SGCD: variants seen among roughly 807,000 people sequenced by gnomAD.
SGCD encodes sarcoglycan delta.
A neutral mutation model predicts 36.6 loss-of-function variants in SGCD; 18 were observed. That is an observed-to-expected ratio of 0.49 (90% CI 0.34 to 0.73). The LOEUF (loss-of-function observed/expected upper bound fraction) is 0.73. Ranked by LOEUF, SGCD falls within the 30% of genes least tolerant of loss-of-function variation. The pLI, the probability that SGCD is intolerant of heterozygous loss-of-function variation, is 0.01. For missense variants in SGCD, 387 were observed against 346.7 expected (o/e 1.12, Z -0.92); for synonymous variants, 133 against 130.6 (o/e 1.02, Z -0.12).
At position 156,050,183 on chromosome 5, in the gene SGCD, A is replaced by C. The variant is rs1291995668; in HGVS notation, c.-281-67695A>C. Among the ~76,000 whole-genome samples the C allele has an allele frequency of 1.4e-5, 2 of 146,592 alleles. 1 individual carries two copies. Among genetic ancestry groups the C allele is most frequent in the Non-Finnish European group, 3.1e-5 (2 of 65,060 alleles). ...CATAGAGAAATCTTTCACGAAAAGA[A>C]GAACCAACTGATGCTACAGAATTCA... On this transcript the variant is annotated intron_variant, in intron 1 of 9. Coordinates refer to the SGCD transcript ENST00000517913.
intron 6 of SGCD, among the ~76,000 whole-genome samples, chr5:156,629,925 G>A (rs1297336658): frequency 2.1e-5 from 3 of 142,872 alleles, no homozygotes; most frequent in Non-Finnish European, 4.5e-5. Flanking sequence ...GCAATGGCAC[G>A]ATCTTGGCTC....
chr5:156,168,807 T>C (rs1036764158), intron 3 of SGCD, among the ~76,000 whole-genome samples: 4 of 152,188 alleles, frequency 2.6e-5, no homozygotes, highest in Non-Finnish European at 4.4e-5. Flanking sequence ...TGCCAGGTGC[T>C]CTGAGAGATA....
intron 7 of SGCD, among the ~76,000 whole-genome samples, chr5:156,742,502 T>TG (rs1756734761): frequency 1.5e-5 from 2 of 129,042 alleles, no homozygotes; most frequent in South Asian, 5.9e-4. Context: ...CAAATCACCA[T>TG]CTTCTTCCAC....
At chr5:155,939,140 G>A (rs1757273757) in intron 1 of SGCD, among the ~76,000 whole-genome samples, 1 of 152,120 alleles carries the variant, frequency 6.6e-6, no homozygotes, top group Non-Finnish European at 1.5e-5. Context: ...GCATCTATAA[G>A]CATGGCAACT....
chr5:156,128,577 C>T (rs548742159), intron 3 of SGCD, among the ~76,000 whole-genome samples: 1 of 152,256 alleles, frequency 6.6e-6, no homozygotes, highest in East Asian at 1.9e-4. Flanking sequence ...GTAATTCCCA[C>T]GTGTCAAGGT....
the SGCD span, among the ~76,000 whole-genome samples, chr5:155,783,844 C>T: frequency 6.6e-6 from 1 of 152,114 alleles, no homozygotes; most frequent in African/African-American, 2.4e-5. Flanking sequence ...AGTAACAAAG[C>T]TACAGGAACA....
chr5:156,382,925 T>C (rs1771062019), intron 3 of SGCD, among the ~76,000 whole-genome samples: 1 of 152,222 alleles, frequency 6.6e-6, no homozygotes, highest in South Asian at 2.1e-4. Context: ...AGGTACTCCA[T>C]TCATGGCAAA....
At chr5:156,065,372 G>A (rs1291688048) in intron 1 of SGCD, among the ~76,000 whole-genome samples, 1 of 121,022 alleles carries the variant, frequency 8.3e-6, no homozygotes, top group Non-Finnish European at 1.7e-5. Flanking sequence ...GGTCAATTTT[G>A]GAATAGGTGT....
the SGCD span, among the ~76,000 whole-genome samples, chr5:155,759,962 T>C: frequency 1.3e-5 from 2 of 152,202 alleles, no homozygotes; most frequent in African/African-American, 2.4e-5. Flanking sequence ...TTCATCCGGT[T>C]AGCTTATGTC....
intron 4 of SGCD, among the ~76,000 whole-genome samples, chr5:156,517,073 T>G (rs1304100069): frequency 3.3e-5 from 5 of 152,132 alleles, no homozygotes; most frequent in Non-Finnish European, 7.3e-5. Context: ...TCTAACCCAG[T>G]GCAAGGAAGC....
intron 1 of SGCD, among the ~76,000 whole-genome samples, chr5:155,932,965 C>T (rs945385491): frequency 6.6e-6 from 1 of 151,962 alleles, no homozygotes; most frequent in Admixed American, 6.6e-5. Flanking sequence ...CTGGGAAAGA[C>T]CTTTCAGGTC....
chr5:156,390,726 A>T (rs1018835669), intron 3 of SGCD, among the ~76,000 whole-genome samples: 1 of 152,136 alleles, frequency 6.6e-6, no homozygotes, highest in South Asian at 2.1e-4. Flanking sequence ...GTGAAACTCT[A>T]TCTCAGGGAA....
At chr5:155,851,981 T>C in the SGCD span, among the ~76,000 whole-genome samples, 1 of 152,176 alleles carries the variant, frequency 6.6e-6, no homozygotes, top group Non-Finnish European at 1.5e-5. Context: ...CTAGTTGTCA[T>C]TTCCATATGG....
At chr5:156,249,767 G>A (rs781270314) in intron 3 of SGCD, among the ~76,000 whole-genome samples, 1 of 149,010 alleles carries the variant, frequency 6.7e-6, no homozygotes, top group African/African-American at 2.5e-5. Context: ...TACATACAAA[G>A]AACATAATCA....
At chr5:155,865,219 C>T in the SGCD span, among the ~76,000 whole-genome samples, 1 of 151,916 alleles carries the variant, frequency 6.6e-6, no homozygotes, top group Non-Finnish European at 1.5e-5. Context: ...TAACCCATAA[C>T]ATAAAATATA....
At chr5:155,752,741 C>T in the SGCD span, among the ~76,000 whole-genome samples, 2 of 152,096 alleles carry the variant, frequency 1.3e-5, no homozygotes, top group Admixed American at 1.3e-4. Flanking sequence ...TTTCTAACAC[C>T]TAGTAGATGA....
At chr5:156,356,425 C>A (rs1159158077) in intron 3 of SGCD, among the ~76,000 whole-genome samples, 1 of 152,196 alleles carries the variant, frequency 6.6e-6, no homozygotes, top group Non-Finnish European at 1.5e-5. Context: ...CTAACTTGGG[C>A]TTGCCCTTAA....
chr5:156,570,381 T>G (rs1759671124), intron 4 of SGCD, among the ~76,000 whole-genome samples: 1 of 152,224 alleles, frequency 6.6e-6, no homozygotes, highest in South Asian at 2.1e-4. Context: ...TTCTTGCTAT[T>G]ATTTGGTCAG....
chr5:156,640,895 T>A (rs1220589519), intron 6 of SGCD, among the ~76,000 whole-genome samples: 1 of 152,198 alleles, frequency 6.6e-6, no homozygotes, highest in African/African-American at 2.4e-5. Context: ...ACAATGGGAT[T>A]AAATCACCTC....
Sources: gnomAD v4.1 joint callset for allele counts (sites outside exome capture counted in the v4.1 genomes callset) on GRCh38, gnomAD v4.1.1 for gene constraint, MANE v1.5 for transcripts, NCBI Gene and HGNC (gene_info 2026-07-23, HGNC 2026-07-21) for gene names.